Variants in YWHAZ observed in about 807,000 individuals in gnomAD.
The protein encoded by YWHAZ is 14-3-3 protein zeta/delta.
For synonymous variants in YWHAZ, 87 were observed against 103.6 expected (o/e 0.84, Z 0.97); for missense variants, 79 against 284.8 (o/e 0.28, Z 5.20).
chr8:100,920,990 C>T (rs993325226), intron 5 of YWHAZ, among the ~76,000 whole-genome samples: 1 of 152,152 alleles, frequency 6.6e-6, no homozygotes, highest in Non-Finnish European at 1.5e-5. Context: ...CCTTCAGATA[C>T]AGGAAAGTTT....
At chr8:100,928,629 A>AG (rs1158416805) in intron 2 of YWHAZ, among the ~76,000 whole-genome samples, 1 of 151,794 alleles carries the variant, frequency 6.6e-6, no homozygotes, top group Admixed American at 6.6e-5. Context: ...GGTACTCAGG[A>AG]GGCTGAGGCA....
At chr8:100,945,126 A>C (rs904268832) in intron 2 of YWHAZ, among the ~76,000 whole-genome samples, 50 of 152,208 alleles carry the variant, frequency 3.3e-4, no homozygotes, top group Middle Eastern at 6.4e-3. Flanking sequence ...GCATTAGTTC[A>C]CATATTGCAG....
chr8:100,943,667 TA>T (rs879399355), intron 2 of YWHAZ, among the ~76,000 whole-genome samples: 2 of 151,870 alleles, frequency 1.3e-5, no homozygotes, highest in African/African-American at 2.4e-5. Flanking sequence ...CACTTTACAT[TA>T]AAAAAAACTG....
chr8:100,920,803 G>C (rs781048446), intron 5 of YWHAZ, 51 bp from the exon 6 acceptor site: 2 of 757,708 alleles, frequency 2.6e-6, no homozygotes, highest in African/African-American at 1.8e-5. Flanking sequence ...GATGGGGGGG[G>C]GGGGGCGTTT....
intron 2 of YWHAZ, among the ~76,000 whole-genome samples, chr8:100,932,771 T>C (rs2130201547): frequency 6.6e-6 from 1 of 152,310 alleles, no homozygotes; most frequent in South Asian, 2.1e-4. Context: ...GCAAGTGTTT[T>C]TCTTAGAGAC....
chr8:100,924,783 A>G lies in YWHAZ; in HGVS notation c.418+133T>C. 3 of 1,141,666 alleles carry G rather than the reference A, an allele frequency of 2.6e-6. No individual in the cohort carries two copies. The highest frequency in any genetic ancestry group is 2.5e-6 in the Non-Finnish European group (2 of 810,436). 70.7% of individuals were successfully genotyped at this position (1,141,666 alleles called of 1,614,324 possible). ...TGAGGCAGTAGATGTGTATTCTCAG[A>G]ACACAAAGAGCACTGCTACTCCTTA... On this transcript the variant is annotated intron_variant, in intron 3 of 5. Transcript: ENST00000395958. This position sits in a 1 kb window ranked among gnomAD's most constrained non-coding sequence, Gnocchi z 5.7.
chr8:100,952,650 A>G (rs1284124784), upstream of YWHAZ: 10 of 403,946 alleles, frequency 2.5e-5, no homozygotes, highest in Admixed American at 2.6e-4. Flanking sequence ...CAGGATGACA[A>G]GGGTGGCTCG....
At chr8:100,934,994 G>GA (rs966944317) in intron 2 of YWHAZ, 295 of 143,056 alleles carry the variant, frequency 2.1e-3, no homozygotes, top group African/African-American at 4.3e-3. Flanking sequence ...TCTCTACTGG[G>GA]AAAAAAAAAA....
chr8:100,920,921 C>CT (rs1046040318), intron 5 of YWHAZ, among the ~76,000 whole-genome samples, 169 bp from the exon 6 acceptor site: 1 of 151,330 alleles, frequency 6.6e-6, no homozygotes, highest in Non-Finnish European at 1.5e-5. Flanking sequence ...TACAAATTTA[C>CT]TTTTTTTGTA....
Position 100,918,353 on chromosome 8 carries a change from AAAAAACAAC to A in YWHAZ, c.*2331_*2339del, listed in dbSNP as rs1484305666. ...GCAAGACTCTTGTCTCCAAAAAAAA[AAAAAACAAC>A]AAAAAAATTCCCACCTCTTCAGTCT... On this transcript the variant is annotated 3_prime_UTR_variant, in exon 6 of 6. Coordinates refer to ENST00000395958, the MANE Select transcript of YWHAZ (RefSeq NM_145690.3). 4 of 104,952 alleles carry A rather than the reference AAAAAACAAC, an allele frequency of 3.8e-5. No individual in the cohort carries two copies. Among genetic ancestry groups the A allele is most frequent in the African/African-American group, 1.2e-4 (4 of 32,218 alleles). The allele number at this position is 104,952 out of a possible 1,614,324, so 6.5% of individuals were successfully genotyped here.
chr8:100,925,212 C>G (rs553466484), intron 2 of YWHAZ, among the ~76,000 whole-genome samples, 173 bp from the exon 3 acceptor site: 293 of 152,282 alleles, frequency 1.9e-3, no homozygotes, highest in Admixed American at 3.3e-3. Flanking sequence ...AAGCAGAATG[C>G]TTTGGGCAGC....
intron 2 of YWHAZ, among the ~76,000 whole-genome samples, chr8:100,929,201 ATTTTTT>A (rs200634118): frequency 3.6e-5 from 5 of 138,416 alleles, no homozygotes; most frequent in African/African-American, 1.3e-4. Context: ...TCAAACATTG[ATTTTTT>A]TTTTTTTTTT....
chr8:100,917,092 T>C lies in YWHAZ; in HGVS notation c.*3601A>G, dbSNP rs563489079. Reference sequence around the variant, plus strand: ...GAGCATAGAGCACCAGTTTTCAAAGTCAAAGTTTCACTCTCCATTTGAAGC... The same window carrying C: ...GAGCATAGAGCACCAGTTTTCAAAGCCAAAGTTTCACTCTCCATTTGAAGC... On this transcript the variant is annotated 3_prime_UTR_variant, in exon 6 of 6. Transcript: ENST00000395958. 1 of 145,162 alleles carries C rather than the reference T, an allele frequency of 6.9e-6. No individual in the cohort carries two copies. The highest frequency in any genetic ancestry group is 2.9e-5 in the African/African-American group (1 of 34,932). 9.0% of individuals were successfully genotyped at this position (145,162 alleles called of 1,614,324 possible).
At chr8:100,939,444 G>A (rs1814453288) in intron 2 of YWHAZ, among the ~76,000 whole-genome samples, 1 of 152,062 alleles carries the variant, frequency 6.6e-6, no homozygotes, top group African/African-American at 2.4e-5. Context: ...TGGATCATCT[G>A]AGGTCAGGAG....
chr8:100,946,196 GCAAA>G (rs1291992833), intron 2 of YWHAZ, among the ~76,000 whole-genome samples: 1 of 152,116 alleles, frequency 6.6e-6, no homozygotes, highest in East Asian at 1.9e-4. Context: ...CTGGTTCTAT[GCAAA>G]CAAAGTTTCT....
chr8:100,924,840 T>C lies in YWHAZ; in HGVS notation c.418+76A>G. ...ACTCTAAGCAATTCAAAACAAGACA[T>C]TATGTACGCTTCAGAGACTCTTCCT... On this transcript the variant is annotated intron_variant, in intron 3 of 5. Coordinates refer to ENST00000395958, the MANE Select transcript of YWHAZ (RefSeq NM_145690.3). The surrounding 1 kb of genome is among the most constrained non-coding windows in gnomAD (Gnocchi z 5.7). 6.3e-7 allele frequency: 1 copy of C among 1,582,368 alleles called. No individual in the cohort carries two copies. Among genetic ancestry groups the C allele is most frequent in the South Asian group, 1.1e-5 (1 of 87,576 alleles).
At chr8:100,938,059 G>A (rs1011085057) in intron 2 of YWHAZ, among the ~76,000 whole-genome samples, 7 of 152,162 alleles carry the variant, frequency 4.6e-5, no homozygotes, top group African/African-American at 1.7e-4. Context: ...GAACCCGGGA[G>A]GCAGAGGTTG....
chr8:100,923,862 TA>T (rs1462202772), intron 5 of YWHAZ, 92 bp downstream of exon 5: 2 of 999,566 alleles, frequency 2.0e-6, no homozygotes, highest in Admixed American at 2.7e-5. Context: ...GAAAAAATTT[TA>T]AAAGATGTAT....
At chr8:100,950,616 G>A (rs1160870805) in intron 1 of YWHAZ, 2 of 985,492 alleles carry the variant, frequency 2.0e-6, no homozygotes, top group Non-Finnish European at 2.4e-6. Context: ...CCCCCCGACC[G>A]GAGCCAGAGG....
Sources: allele counts gnomAD v4.1 joint callset (sites outside exome capture counted in the v4.1 genomes callset), GRCh38; gene constraint gnomAD v4.1.1; non-coding constraint Gnocchi (gnomAD v3.1); transcripts MANE v1.5; gene names NCBI Gene and HGNC (gene_info 2026-07-23, HGNC 2026-07-21).